RIMS1: variants seen among roughly 807,000 people sequenced by gnomAD.
The protein encoded by RIMS1 is regulating synaptic membrane exocytosis protein 1.
RIMS1 carries 83 observed loss-of-function variants against 214.1 expected under a neutral mutation model. That is an observed-to-expected ratio of 0.39 (90% CI 0.32 to 0.47). The LOEUF (loss-of-function observed/expected upper bound fraction) is 0.47. RIMS1 is among the 20% of genes least tolerant of loss of function. RIMS1 has a pLI of 0.99. For synonymous variants in RIMS1, 793 were observed against 786.8 expected, an observed-to-expected ratio of 1.01 and a Z score of -0.13; for missense variants, 2,050 against 2,161.8, an observed-to-expected ratio of 0.95 and a Z score of 1.03.
At chr6:72,047,845 T>C (rs1463814113) in intron 2 of RIMS1, among the ~76,000 whole-genome samples, 1 of 152,224 alleles carries the variant, frequency 6.6e-6, no homozygotes, top group East Asian at 1.9e-4. Context: ...GTCAGTTGGA[T>C]ACTGCTTGGG....
At position 72,182,836 on chromosome 6, in the gene RIMS1, G is replaced by A; in HGVS notation, c.1365G>A (p.Gly455=). The stretch of plus-strand genomic sequence containing the variant: ...ACAGCCCGCCGGCGCCCAGACATGG[G>A]CCGGTTCCCGCAGAAGCCCCGGAGC... The part of the protein sequence containing the change: ...TNHSPPAPRH[G]PVPAEAPELK... Residue 455 remains glycine, a synonymous_variant, in exon 6 of 34, where the codon GGG becomes GGA. Coordinates refer to ENST00000521978, the MANE Select transcript of RIMS1 (RefSeq NM_014989.7). 1 of 1,552,008 alleles carries A rather than the reference G, an allele frequency of 6.4e-7. No individual in the cohort carries two copies. Among genetic ancestry groups the A allele is most frequent in the Non-Finnish European group, 8.7e-7 (1 of 1,150,708 alleles).
At position 72,252,837 on chromosome 6, in the gene RIMS1, G is replaced by C; in HGVS notation, c.2770+5G>C. On this transcript the variant is annotated splice_donor_5th_base_variant and intron_variant, in intron 16 of 33. Transcript: ENST00000521978. ...GTATTGGCGTAGTTCCTCCAGGTGC[G>C]TGGGTGAGGAGCATGACCCTGCTTC... is the stretch of plus-strand genomic sequence containing the variant. 1 of 1,551,330 alleles carries C rather than the reference G, an allele frequency of 6.4e-7. No homozygotes were observed. Among genetic ancestry groups the C allele is most frequent in the Non-Finnish European group, 8.7e-7 (1 of 1,145,734 alleles).
At chr6:72,321,361 A>G (rs550768771) in intron 28 of RIMS1, among the ~76,000 whole-genome samples, 1 of 152,198 alleles carries the variant, frequency 6.6e-6, no homozygotes, top group South Asian at 2.1e-4. Flanking sequence ...TTCACTGAGT[A>G]TGTATATCAG....
chr6:72,323,132 A>AC (rs1272368684), intron 28 of RIMS1, among the ~76,000 whole-genome samples: 2 of 152,122 alleles, frequency 1.3e-5, no homozygotes, highest in Non-Finnish European at 2.9e-5. Context: ...ATAATAGCAA[A>AC]TCTTTAAACC....
chr6:71,921,791 A>G (rs1438859924), intron 1 of RIMS1, among the ~76,000 whole-genome samples: 2 of 152,116 alleles, frequency 1.3e-5, no homozygotes, highest in Non-Finnish European at 2.9e-5. Flanking sequence ...AAAGAAACCT[A>G]TTTTTGTCTT....
At chr6:72,021,744 C>A (rs1240457928) in intron 2 of RIMS1, among the ~76,000 whole-genome samples, 1 of 152,114 alleles carries the variant, frequency 6.6e-6, no homozygotes, top group African/African-American at 2.4e-5. Context: ...CTCTCCTGTC[C>A]TGTTACTCTC....
intron 2 of RIMS1, among the ~76,000 whole-genome samples, chr6:71,985,542 C>A (rs1298419794): frequency 1.3e-5 from 2 of 152,100 alleles, no homozygotes; most frequent in Non-Finnish European, 2.9e-5. Flanking sequence ...AAATACTGCA[C>A]TAAACATCTT....
chr6:71,890,988 C>T (rs1769666838), intron 1 of RIMS1, among the ~76,000 whole-genome samples: 1 of 152,184 alleles, frequency 6.6e-6, no homozygotes, highest in Non-Finnish European at 1.5e-5. Context: ...GTACACTACA[C>T]TGTCTTCCTA....
chr6:72,055,505 T>C (rs533879431), intron 2 of RIMS1, among the ~76,000 whole-genome samples: 43 of 152,316 alleles, frequency 2.8e-4, no homozygotes, highest in African/African-American at 8.2e-4. Flanking sequence ...TATATTTTTC[T>C]CTTCCCTTAT....
chr6:72,397,986 T>C lies in RIMS1; in HGVS notation c.4619-263T>C, dbSNP rs550016360. ...TTAAGTACAAGAATTATAGAAATAC[T>C]TTAGTGTTGTTATAGTCATTTATTA... On this transcript the variant is annotated intron_variant, in intron 31 of 33. Coordinates refer to ENST00000521978, the MANE Select transcript of RIMS1 (RefSeq NM_014989.7). Among the ~76,000 whole-genome samples the C allele has an allele frequency of 7.2e-5, 11 of 152,256 alleles. No individual in the cohort carries two copies. In the South Asian group the frequency reaches 2.1e-3, roughly 29 times the overall value.
chr6:72,235,692 C>G lies in RIMS1; in HGVS notation c.1821C>G (p.Thr607=), dbSNP rs370529408. 1.1e-5 allele frequency: 18 copies of G among 1,609,146 alleles called. No homozygotes were observed. The African/African-American group carries it at 2.1e-4, about 19-fold the overall frequency. The change falls in exon 8 of 34, where the codon ACC becomes ACG. Residue 607 remains threonine (T), a synonymous_variant. Coordinates refer to ENST00000521978, the MANE Select transcript of RIMS1 (RefSeq NM_014989.7). ...IGRVILNKRT[T]MPKDSGALLG... ...GTGTTATTCTTAACAAGAGAACAAC[C>G]ATGCCCAAAGACTCAGGTGCATTGC...
chr6:71,975,341 G>A lies in RIMS1; in HGVS notation c.245+6278G>A, dbSNP rs74454405. On this transcript the variant is annotated intron_variant, in intron 2 of 33. Transcript: ENST00000521978. ...TCCCATGTCCTGAGAACTTCTGTTA[G>A]ACCTGGGCAGACTGAATGGTTGGTC... Among the ~76,000 whole-genome samples the A allele has an allele frequency of 3.7e-3, 556 of 152,256 alleles. 31 individuals are homozygous for A. The East Asian group carries it at 0.092, about 25-fold the overall frequency.
intron 1 of RIMS1, among the ~76,000 whole-genome samples, chr6:71,924,961 C>T (rs118017262): frequency 0.023 from 3,434 of 152,194 alleles, 54 homozygotes; most frequent in Middle Eastern, 0.054. Context: ...AGTCTGGGTT[C>T]CTCAGTGGTA....
At chr6:72,022,702 A>C (rs1244567387) in intron 2 of RIMS1, among the ~76,000 whole-genome samples, 1 of 152,100 alleles carries the variant, frequency 6.6e-6, no homozygotes, top group African/African-American at 2.4e-5. Flanking sequence ...ATAGGCTTTA[A>C]ACTCTTTATC....
intron 6 of RIMS1, among the ~76,000 whole-genome samples, chr6:72,196,439 GAGAC>G (rs1486899292): frequency 6.6e-6 from 1 of 151,480 alleles, no homozygotes; most frequent in African/African-American, 2.4e-5. Flanking sequence ...ACTTTATAGA[GAGAC>G]AGGATGCTTC....
intron 32 of RIMS1, among the ~76,000 whole-genome samples, chr6:72,398,563 A>AT (rs1342683652): frequency 1.3e-5 from 2 of 151,558 alleles, no homozygotes; most frequent in African/African-American, 4.8e-5. Context: ...ATGTTATAAT[A>AT]TTTTTTTTAA....
chr6:72,287,001 T>C (rs2807540), intron 24 of RIMS1, among the ~76,000 whole-genome samples: 47,223 of 152,050 alleles, frequency 0.31, 8,182 homozygotes, highest in Non-Finnish European at 0.4. Flanking sequence ...TAAAGAAATG[T>C]ATCATATTTT....
At chr6:72,268,382 A>G (rs556991107) in intron 22 of RIMS1, among the ~76,000 whole-genome samples, 1 of 152,318 alleles carries the variant, frequency 6.6e-6, no homozygotes, top group African/African-American at 2.4e-5. Context: ...ATGTTAGAGC[A>G]AATGTTTTAA....
At chr6:72,013,260 T>C (rs190647117) in intron 2 of RIMS1, among the ~76,000 whole-genome samples, 16 of 152,296 alleles carry the variant, frequency 1.1e-4, no homozygotes, top group Admixed American at 8.5e-4. Context: ...CATTGGTCTT[T>C]GCCCATGAAA....
Sources: allele counts gnomAD v4.1 joint callset (sites outside exome capture counted in the v4.1 genomes callset), GRCh38; gene constraint gnomAD v4.1.1; transcripts MANE v1.5; gene names NCBI Gene and HGNC (gene_info 2026-07-23, HGNC 2026-07-21).